MFSD12: variants seen among roughly 807,000 people sequenced by gnomAD.
The protein encoded by MFSD12 is major facilitator superfamily domain-containing protein 12.
A neutral mutation model predicts 51.2 loss-of-function variants in MFSD12; 67 were observed. The observed-to-expected ratio is 1.31, with a 90% CI of 1.08 to 1.60. MFSD12 has a LOEUF of 1.60. Among genes scored for constraint, MFSD12 ranks in the 40% most tolerant of loss-of-function variants. The pLI, the probability that MFSD12 is intolerant of heterozygous loss-of-function variation, is 0.00. For synonymous variants in MFSD12, 441 were observed against 316.7 expected (o/e 1.39, Z -4.17); for missense variants, 921 against 673.0 (o/e 1.37, Z -4.08).
Position 3,546,361 on chromosome 19 carries a change from C to A in MFSD12, c.1088G>T (p.Gly363Val). 6.2e-7 allele frequency: 1 copy of A among 1,607,828 alleles called. No individual in the cohort carries two copies. Among genetic ancestry groups the A allele is most frequent in the South Asian group, 1.1e-5 (1 of 90,272 alleles). Residue 363 changes from glycine (G) to valine (V), a missense_variant, in exon 7 of 10, where the codon GGA becomes GTA. Coordinates refer to ENST00000355415, the MANE Select transcript of MFSD12 (RefSeq NM_174983.5). The stretch of plus-strand genomic sequence containing the variant: ...CGCTGCGTACACGGCCACACCCAGT[C>A]CCTCCGCCAGCGCCACCCAGGCGGC... Reference protein sequence around the residue: ...AFAAWVALAEGLGVAVYAAAV... With the variant: ...AFAAWVALAEVLGVAVYAAAV...
At position 3,548,228 on chromosome 19, in the gene MFSD12, G is replaced by A. The variant is rs760865499; in HGVS notation, c.549C>T (p.Gly183=). ...GCAGGTGCAGCAGGAGCCAGGCGGC[G>A]CCGTAGACGGTGATGTTGGCCACCA... ...FTVVANITVY[G]AAWLLLHLQG... The change falls in exon 3 of 10, where the codon GGC becomes GGT. Residue 183 remains glycine, a synonymous_variant. Transcript: ENST00000355415. 8 of 1,552,846 alleles carry A rather than the reference G, an allele frequency of 5.2e-6. No homozygotes were observed. Among genetic ancestry groups the A allele is most frequent in the Non-Finnish European group, 7.0e-6 (8 of 1,149,248 alleles).
intron 1 of MFSD12, among the ~76,000 whole-genome samples, chr19:3,555,212 G>T (rs1397092850): frequency 6.6e-6 from 1 of 152,130 alleles, no homozygotes; most frequent in African/African-American, 2.4e-5. Flanking sequence ...GGGTTCAAAC[G>T]ATTCTCCCAC....
chr19:3,553,010 G>A (rs1004800706), intron 1 of MFSD12, among the ~76,000 whole-genome samples: 2 of 152,140 alleles, frequency 1.3e-5, no homozygotes, highest in African/African-American at 4.8e-5. Flanking sequence ...CTCCGGAGGT[G>A]ACCTCATCCC....
intron 4 of MFSD12, chr19:3,538,893 G>T: frequency 3.1e-6 from 2 of 646,636 alleles, no homozygotes; most frequent in Admixed American, 2.1e-5. Flanking sequence ...CCTCAAGGGG[G>T]TGTGGAGATG....
intron 1 of MFSD12, among the ~76,000 whole-genome samples, chr19:3,554,066 A>G (rs916042993): frequency 6.6e-6 from 1 of 151,950 alleles, no homozygotes; most frequent in Non-Finnish European, 1.5e-5. Flanking sequence ...CGGGTGACAA[A>G]GCAAGACTCC....
At chr19:3,542,644 G>A, downstream of MFSD12, 1 of 1,084,178 alleles carries the variant, frequency 9.2e-7, no homozygotes, top group Non-Finnish European at 1.2e-6. Context: ...ACCATGCCTG[G>A]CTTAATTTTC....
intron 1 of MFSD12, among the ~76,000 whole-genome samples, chr19:3,554,860 C>T (rs937569696): frequency 6.6e-6 from 1 of 152,220 alleles, no homozygotes; most frequent in Admixed American, 6.5e-5. Flanking sequence ...GTAACCTTCA[C>T]TCAAGTCACC....
chr19:3,547,731 T>C (rs2031191309), intron 4 of MFSD12, 117 bp downstream of exon 4: 1 of 1,290,038 alleles, frequency 7.8e-7, no homozygotes, highest in Non-Finnish European at 1.0e-6. Context: ...TTGCCCTGGG[T>C]GTGGGCTGCA....
At chr19:3,546,193 C>G (rs765365993) in intron 7 of MFSD12, 25 bp from the exon 8 acceptor site, 5 of 1,610,810 alleles carry the variant, frequency 3.1e-6, no homozygotes, top group South Asian at 1.1e-5. Flanking sequence ...GCGAGGTGGT[C>G]AGCGTGCACC....
At chr19:3,539,076 G>A (rs1213734422) in intron 4 of MFSD12, 5 of 718,900 alleles carry the variant, frequency 7.0e-6, no homozygotes, top group African/African-American at 5.2e-5. Context: ...CAGCTGGGAG[G>A]AGGGAGTGGT....
Position 3,557,090 on chromosome 19 carries a change from G to A in MFSD12, c.298+16C>T. The A allele has an allele frequency of 6.9e-7, 1 of 1,444,484 alleles. No individual in the cohort carries two copies. Among genetic ancestry groups the A allele is most frequent in the Non-Finnish European group, 9.0e-7 (1 of 1,105,956 alleles). The allele number at this position is 1,444,484 out of a possible 1,614,324, so 89.5% of individuals were successfully genotyped here. On this transcript the variant is annotated intron_variant, in intron 1 of 9. Coordinates refer to ENST00000355415, the MANE Select transcript of MFSD12 (RefSeq NM_174983.5). The stretch of plus-strand genomic sequence containing the variant: ...CGGAGGGGCTGCCCGACAGGTGGCG[G>A]GGCCGGGACGCTTACCGACCAGGTG...
chr19:3,547,376 G>C lies in MFSD12; in HGVS notation c.931-12C>G, dbSNP rs774202449. ...GTCGCGATGAACTTCTGCGGAGGCA[G>C]AGCCAGGCATGCCGTGTCAGTCATG... On this transcript the variant is annotated splice_polypyrimidine_tract_variant and intron_variant, in intron 5 of 9. Transcript: ENST00000355415. The C allele has an allele frequency of 2.5e-6, 4 of 1,613,006 alleles. No homozygotes were observed. In the East Asian group the frequency reaches 8.9e-5, roughly 36 times the overall value.
At chr19:3,544,028 G>A, downstream of MFSD12, 3 of 1,521,092 alleles carry the variant, frequency 2.0e-6, no homozygotes, top group Non-Finnish European at 2.7e-6. Flanking sequence ...CTACCAGGAT[G>A]CACCCACTGT....
chr19:3,548,124 C>T lies in MFSD12; in HGVS notation c.653G>A (p.Arg218Gln), dbSNP rs201748260. ...CGACCCACCCGGACTCCAGCTCACCCGGAACACGGGCACGTCCTGGCCCCC... is the reference window on the plus strand; with the variant it reads ...CGACCCACCCGGACTCCAGCTCACCTGGAACACGGGCACGTCCTGGCCCCC... The part of the protein sequence containing the change: ...QLGGQDVPVF[R>Q]NLSLLVVGVG... The change falls in exon 3 of 10, where the codon CGG becomes CAG. Residue 218 changes from arginine to glutamine, a missense_variant and splice_region_variant. Transcript: ENST00000355415. 54 of 1,606,504 alleles carry T rather than the reference C, an allele frequency of 3.4e-5. 1 individual carries two copies. The highest frequency in any genetic ancestry group is 8.0e-5 in the African/African-American group (6 of 74,996).
chr19:3,544,848 G>C lies in MFSD12; in HGVS notation c.1381C>G (p.Leu461Val). 5.0e-6 allele frequency: 8 copies of C among 1,612,416 alleles called. No individual in the cohort carries two copies. The highest frequency in any genetic ancestry group is 1.7e-5 in the Admixed American group (1 of 59,978). ...GTCGGCCACAGCAGGAGGCTACAGA[G>C]ACACAGGGCAGCGGCCACGCCCACG... ...GGVGVAAALCLCSLLLWPTRL... is the reference protein window; with the variant it reads ...GGVGVAAALCVCSLLLWPTRL... Residue 461 changes from leucine (L) to valine (V), a missense_variant, in exon 9 of 10, where the codon CTC becomes GTC. Leu to Val is a conservative substitution (Grantham distance 32). Transcript: ENST00000355415.
At chr19:3,540,891 C>T (rs1188700795), downstream of MFSD12, among the ~76,000 whole-genome samples, 2 of 141,188 alleles carry the variant, frequency 1.4e-5, no homozygotes, top group South Asian at 2.2e-4. Flanking sequence ...AAAAAAAAAT[C>T]CAGGCGCAGT....
chr19:3,557,157 C>G lies in MFSD12; in HGVS notation c.247G>C (p.Ala83Pro). 1 of 1,519,796 alleles carries G rather than the reference C, an allele frequency of 6.6e-7. No individual in the cohort carries two copies. The highest frequency in any genetic ancestry group is 8.8e-7 in the Non-Finnish European group (1 of 1,135,772). The allele number at this position is 1,519,796 out of a possible 1,614,324, so 94.1% of individuals were successfully genotyped here. The part of the protein sequence containing the change: ...TPLVGYEADR[A>P]ASCCARYGPR... ...CCGTAGCGGGCGCAGCAGCTGGCGG[C>G]GCGGTCGGCCTCGTAGCCCACGAGC... Residue 83 changes from alanine (A) to proline (P), a missense_variant, in exon 1 of 10, where the codon GCC becomes CCC. By Grantham distance (27) the Ala-to-Pro change is conservative. Coordinates refer to ENST00000355415, the MANE Select transcript of MFSD12 (RefSeq NM_174983.5).
chr19:3,544,153 G>C, downstream of MFSD12: 2 of 1,395,032 alleles, frequency 1.4e-6, no homozygotes, highest in Non-Finnish European at 1.9e-6. Context: ...GAGATGCCCA[G>C]GCTACCCCTG....
At chr19:3,543,914 C>T (rs766716883), downstream of MFSD12, 43 of 1,551,114 alleles carry the variant, frequency 2.8e-5, 2 homozygotes, top group South Asian at 3.1e-4. Flanking sequence ...AGCGCCCGCC[C>T]GGCACCACCC....
Sources: gnomAD v4.1 joint callset for allele counts (sites outside exome capture counted in the v4.1 genomes callset) on GRCh38, gnomAD v4.1.1 for gene constraint, MANE v1.5 for transcripts, NCBI Gene and HGNC (gene_info 2026-07-23, HGNC 2026-07-21) for gene names.